The following ZPLD1 variants were observed in gnomAD, a reference collection of about 807,000 sequenced individuals.
ZPLD1 encodes the protein zona pellucida like domain containing 1, also known as zona pellucida-like domain-containing protein 1.
In ZPLD1, 34 loss-of-function variants were observed where a neutral mutation model predicts 47.2. The observed-to-expected ratio is 0.72, with a 90% CI of 0.55 to 0.96. The LOEUF is 0.96. Among genes scored for constraint, ZPLD1 ranks in the 40% least tolerant of loss-of-function variants. ZPLD1 has a pLI of 0.00. For missense variants in ZPLD1, 512 were observed against 505.8 expected (o/e 1.01, Z -0.12); for synonymous variants, 176 against 186.2 (o/e 0.95, Z 0.45).
upstream of ZPLD1, among the ~76,000 whole-genome samples, chr3:102,432,706 T>A (rs1454319126): frequency 6.6e-6 from 1 of 151,060 alleles, no homozygotes; most frequent in Admixed American, 6.6e-5. Flanking sequence ...CTGAAAAGGT[T>A]AATGCAGATT....
At chr3:102,470,786 T>G (rs1197294319) in intron 10 of ZPLD1, among the ~76,000 whole-genome samples, 1 of 151,928 alleles carries the variant, frequency 6.6e-6, no homozygotes. Context: ...GTTTTATTTA[T>G]TTATTTATTT....
chr3:102,418,702 C>G (rs1164731136), intron 8 of ZPLD1, among the ~76,000 whole-genome samples: 1 of 151,996 alleles, frequency 6.6e-6, no homozygotes, highest in Non-Finnish European at 1.5e-5. Context: ...GGTTCTATTG[C>G]ACCAGAGAAG....
chr3:102,426,518 CAA>C (rs34182101), intron 8 of ZPLD1, among the ~76,000 whole-genome samples: 15 of 107,652 alleles, frequency 1.4e-4, no homozygotes, highest in East Asian at 2.7e-4. Context: ...AACTCCATCT[CAA>C]AAAAAAAAAA....
intron 7 of ZPLD1, among the ~76,000 whole-genome samples, chr3:102,402,320 C>T (rs2107292576): frequency 6.6e-6 from 1 of 152,098 alleles, no homozygotes; most frequent in South Asian, 2.1e-4. Context: ...TGGGCACTAA[C>T]CATTTCTTAC....
chr3:102,446,704 T>C (rs992475367), intron 3 of ZPLD1, among the ~76,000 whole-genome samples: 1 of 152,216 alleles, frequency 6.6e-6, no homozygotes, highest in African/African-American at 2.4e-5. Context: ...CAGTTGGAAC[T>C]ATTTTATTTC....
intron 1 of ZPLD1, among the ~76,000 whole-genome samples, chr3:102,436,132 G>A (rs760071026): frequency 6.6e-6 from 1 of 152,190 alleles, no homozygotes; most frequent in Non-Finnish European, 1.5e-5. Context: ...GTTAAGGAGA[G>A]TAGGACAGTG....
intron 8 of ZPLD1, among the ~76,000 whole-genome samples, chr3:102,420,936 T>G (rs943891107): frequency 6.6e-6 from 1 of 151,976 alleles, no homozygotes; most frequent in Non-Finnish European, 1.5e-5. Flanking sequence ...CTGCTGTATC[T>G]GTGAAAAATA....
chr3:102,457,728 CACTTTT>C (rs1310847313), intron 5 of ZPLD1, 47 bp from the exon 6 acceptor site: 5 of 1,520,106 alleles, frequency 3.3e-6, no homozygotes, highest in Non-Finnish European at 4.6e-6. Flanking sequence ...ATCTAGGTAT[CACTTTT>C]ACTCTAAAAT....
intron 7 of ZPLD1, among the ~76,000 whole-genome samples, chr3:102,403,702 T>G (rs540434650): frequency 7.2e-5 from 11 of 152,130 alleles, no homozygotes; most frequent in Admixed American, 3.9e-4. Context: ...TGATGTGTCT[T>G]AACTGTGGAA....
intron 3 of ZPLD1, 31 bp downstream of exon 3, chr3:102,438,624 G>T (rs1404378994): frequency 1.3e-6 from 2 of 1,519,000 alleles, no homozygotes; most frequent in Non-Finnish European, 1.8e-6. Flanking sequence ...TTCTCTAGTT[G>T]TTTCTGGAAG....
At chr3:102,429,244 A>G (rs1461610384) in intron 8 of ZPLD1, among the ~76,000 whole-genome samples, 1 of 152,124 alleles carries the variant, frequency 6.6e-6, no homozygotes, top group African/African-American at 2.4e-5. Flanking sequence ...ACATTACCCA[A>G]TTCTCTCTGC....
chr3:102,391,099 C>T (rs1302911888), intron 6 of ZPLD1, among the ~76,000 whole-genome samples: 2 of 152,158 alleles, frequency 1.3e-5, no homozygotes. Flanking sequence ...TCATTTTATA[C>T]AACCCAAAGA....
rs1188783634 is a variant in ZPLD1 at position 102,422,816 on chromosome 3, T to C, written c.-9+4609T>C. ...ATGTGATTGGGCAGATAGGAACTTT[T>C]TGTTGTTGTTGTTGTTTTGCCGTGT... On this transcript the variant is annotated intron_variant, in intron 8 of 17. Transcript: ENST00000491959. 2.7e-5 allele frequency among the ~76,000 whole-genome samples: 3 copies of C among 112,614 alleles called. No homozygotes were observed. In the East Asian group the frequency reaches 5.9e-4, roughly 22 times the overall value. 73.9% of individuals were successfully genotyped at this position (112,614 alleles called of 152,430 possible). A position where few individuals can be genotyped will look rare whatever the true frequency, so the allele number is the denominator to read the frequency against.
chr3:102,408,253 G>A (rs1706713663), intron 7 of ZPLD1, among the ~76,000 whole-genome samples: 1 of 151,626 alleles, frequency 6.6e-6, no homozygotes, highest in South Asian at 2.1e-4. Flanking sequence ...ATTCTAGAAG[G>A]AGAAAAAGGG....
intron 8 of ZPLD1, among the ~76,000 whole-genome samples, chr3:102,428,250 T>A (rs1706973951): frequency 6.6e-6 from 1 of 152,184 alleles, no homozygotes; most frequent in South Asian, 2.1e-4. Flanking sequence ...AGTGTGAGCA[T>A]CTCACCTTGT....
intron 8 of ZPLD1, among the ~76,000 whole-genome samples, chr3:102,421,430 T>C (rs1337310111): frequency 6.6e-6 from 1 of 151,914 alleles, no homozygotes; most frequent in Admixed American, 6.6e-5. Flanking sequence ...AAACTACTCA[T>C]CTTTTAGAGA....
intron 10 of ZPLD1, among the ~76,000 whole-genome samples, 154 bp downstream of exon 10, chr3:102,470,656 C>G (rs1707668786): frequency 6.6e-6 from 1 of 152,048 alleles, no homozygotes; most frequent in Non-Finnish European, 1.5e-5. Flanking sequence ...ACAGTAGTTT[C>G]CCTGTTTACT....
rs368184211 is a variant in ZPLD1, at chr3:102,410,954, ATAT to A, written c.-156-7101_-156-7099del. On this transcript the variant is annotated intron_variant, in intron 7 of 17. Transcript: ENST00000491959. Reference sequence around the variant, plus strand: ...AAAATATTTATTGGACCAAATAAAAATATTATTTGACCTAATAATTGTTTATGT... The same window carrying A: ...AAAATATTTATTGGACCAAATAAAAATATTTGACCTAATAATTGTTTATGT... Among the ~76,000 whole-genome samples, 50 of 151,946 alleles carry A rather than the reference ATAT, an allele frequency of 3.3e-4. 1 individual carries two copies. The East Asian group carries it at 5.2e-3, about 16-fold the overall frequency.
chr3:102,451,592 T>A (rs1487305710), intron 3 of ZPLD1, among the ~76,000 whole-genome samples: 1 of 152,162 alleles, frequency 6.6e-6, no homozygotes, highest in Non-Finnish European at 1.5e-5. Flanking sequence ...CCTGGGGTGA[T>A]TTAAAACACA....
Sources: allele counts gnomAD v4.1 joint callset (sites outside exome capture counted in the v4.1 genomes callset), GRCh38; gene constraint gnomAD v4.1.1; transcripts MANE v1.5; gene names NCBI Gene and HGNC (gene_info 2026-07-23, HGNC 2026-07-21).